The following GRM1 variants were observed in gnomAD, a reference collection of about 807,000 sequenced individuals.
The protein encoded by GRM1 is glutamate metabotropic receptor 1.
In GRM1, 33 loss-of-function variants were observed where a neutral mutation model predicts 90.9. The observed-to-expected ratio is 0.36, with a 90% CI of 0.28 to 0.49. The LOEUF is 0.49. Among genes scored for constraint, GRM1 ranks in the 20% least tolerant of loss-of-function variants. The pLI is 0.99. For synonymous variants in GRM1, 700 were observed against 613.2 expected (o/e 1.14, Z -2.09); for missense variants, 1,190 against 1,534.3 (o/e 0.78, Z 3.75).
At chr6:146,065,964 A>G (rs796337757) in intron 1 of GRM1, among the ~76,000 whole-genome samples, 1 of 152,200 alleles carries the variant, frequency 6.6e-6, no homozygotes, top group Non-Finnish European at 1.5e-5. Context: ...AAGGAAAAAA[A>G]AAAACCTGAT....
intron 7 of GRM1, among the ~76,000 whole-genome samples, chr6:146,415,120 A>G (rs114346626): frequency 0.013 from 1,962 of 152,312 alleles, 48 homozygotes; most frequent in African/African-American, 0.045. Context: ...CAGTTCTGGA[A>G]CATGAAGTCT....
chr6:146,345,680 A>G (rs1305709366), intron 3 of GRM1, among the ~76,000 whole-genome samples: 1 of 152,144 alleles, frequency 6.6e-6, no homozygotes, highest in Non-Finnish European at 1.5e-5. Context: ...CCTATCACCC[A>G]TAAATAAATA....
At chr6:146,204,102 A>G (rs1247348602) in intron 2 of GRM1, among the ~76,000 whole-genome samples, 1 of 152,214 alleles carries the variant, frequency 6.6e-6, no homozygotes, top group Non-Finnish European at 1.5e-5. Context: ...GATACTGTCA[A>G]ACTGATAACA....
Position 146,399,027 on chromosome 6 carries a change from T to C in GRM1, c.1988T>C (p.Leu663Ser). 6.2e-7 allele frequency: 1 copy of C among 1,614,072 alleles called. No individual in the cohort carries two copies. Among genetic ancestry groups the C allele is most frequent in the Non-Finnish European group, 8.5e-7 (1 of 1,179,990 alleles). The change falls in exon 7 of 8, where the codon TTG becomes TCG. Residue 663 changes from leucine (L) to serine (S), a missense_variant. By Grantham distance (145) the Leu-to-Ser change is moderately radical (BLOSUM62 -2). Coordinates refer to ENST00000282753, the MANE Select transcript of GRM1 (RefSeq NM_001278064.2). The surrounding 1 kb of genome is among the most constrained non-coding windows in gnomAD (Gnocchi z 5.4). ...ACCTCCTGCTACCTCCAGCGCCTCT[T>C]GGTTGGCCTCTCCTCTGCGATGTGC... ...TTTSCYLQRL[L>S]VGLSSAMCYS...
intron 2 of GRM1, among the ~76,000 whole-genome samples, chr6:146,241,291 A>T (rs1340182180): frequency 6.6e-6 from 1 of 152,086 alleles, no homozygotes; most frequent in Admixed American, 6.6e-5. Flanking sequence ...AAGATACCGG[A>T]TGCTTTGTTA....
intron 1 of GRM1, among the ~76,000 whole-genome samples, chr6:146,099,246 G>T (rs180794182): frequency 1.3e-5 from 2 of 152,224 alleles, no homozygotes; most frequent in Non-Finnish European, 1.5e-5. Context: ...AATTAGCCAG[G>T]TGTGGTGGTG....
At chr6:146,303,249 A>C (rs1783459195) in intron 2 of GRM1, among the ~76,000 whole-genome samples, 1 of 152,192 alleles carries the variant, frequency 6.6e-6, no homozygotes, top group Non-Finnish European at 1.5e-5. Flanking sequence ...AGAAGCAAGC[A>C]ATAAAATGCT....
At chr6:146,215,951 G>T (rs1047285124) in intron 2 of GRM1, among the ~76,000 whole-genome samples, 1 of 152,028 alleles carries the variant, frequency 6.6e-6, no homozygotes, top group Non-Finnish European at 1.5e-5. Flanking sequence ...TAGGGACGGG[G>T]TTTCACCGTG....
intron 3 of GRM1, among the ~76,000 whole-genome samples, chr6:146,318,356 G>A (rs1784050878): frequency 6.6e-6 from 1 of 152,278 alleles, no homozygotes; most frequent in Non-Finnish European, 1.5e-5. Context: ...TGGCTGCATA[G>A]TATTCAATTA....
rs553369384 is a variant in GRM1, at chr6:146,421,762, G to T, written c.2661-12110G>T. Among the ~76,000 whole-genome samples, 5 of 152,184 alleles carry T rather than the reference G, an allele frequency of 3.3e-5. No homozygotes were observed. In the South Asian group the frequency reaches 1.0e-3, roughly 32 times the overall value. The stretch of plus-strand genomic sequence containing the variant: ...TATTTTACACCTATATGGAAAGACT[G>T]CATTGTGCATATATATAAAGAGTTT... On this transcript the variant is annotated intron_variant, in intron 7 of 7. Transcript: ENST00000282753.
At chr6:146,031,843 G>A (rs1172352526) in intron 1 of GRM1, among the ~76,000 whole-genome samples, 2 of 152,080 alleles carry the variant, frequency 1.3e-5, no homozygotes, top group African/African-American at 4.8e-5. Flanking sequence ...CAAAGATGAT[G>A]GCAAAGAGAA....
chr6:146,359,697 C>T (rs1056973178), intron 5 of GRM1, among the ~76,000 whole-genome samples: 6 of 152,258 alleles, frequency 3.9e-5, no homozygotes, highest in East Asian at 1.9e-4. Context: ...CTTTGTTCTC[C>T]CCAGTTCAGG....
At chr6:146,307,829 G>A (rs997029999) in intron 3 of GRM1, among the ~76,000 whole-genome samples, 7 of 152,138 alleles carry the variant, frequency 4.6e-5, no homozygotes, top group Admixed American at 3.3e-4. Context: ...AAGAGTTTAT[G>A]TGCACTAGAT....
chr6:146,121,041 A>T (rs765553546), intron 1 of GRM1, among the ~76,000 whole-genome samples: 5 of 152,204 alleles, frequency 3.3e-5, no homozygotes, highest in Admixed American at 6.5e-5. Flanking sequence ...CCTCTGGTAG[A>T]ATTCAGCTGT....
intron 7 of GRM1, among the ~76,000 whole-genome samples, chr6:146,406,919 G>A (rs1201716270): frequency 6.6e-6 from 1 of 152,136 alleles, no homozygotes; most frequent in Non-Finnish European, 1.5e-5. Context: ...TCCAGAGTTA[G>A]ACTCAGTTGG....
intron 2 of GRM1, among the ~76,000 whole-genome samples, chr6:146,253,527 A>G (rs761179192): frequency 2.0e-5 from 3 of 152,098 alleles, no homozygotes; most frequent in Non-Finnish European, 4.4e-5. Context: ...GTTCACATTC[A>G]TTTTATATAT....
chr6:146,290,018 A>G (rs1782917134), intron 2 of GRM1, among the ~76,000 whole-genome samples: 1 of 152,242 alleles, frequency 6.6e-6, no homozygotes, highest in Non-Finnish European at 1.5e-5. Context: ...TTAGGCAAAA[A>G]TAATGGATTT....
At position 146,304,823 on chromosome 6, in the gene GRM1, C is replaced by G. The variant is rs749536075; in HGVS notation, c.1163C>G (p.Pro388Arg). Reference sequence around the variant, plus strand: ...CTTCCAGGACACCTTCTGGAAAATCCCAACTTTAAACGAATCTGCACAGGT... The same window carrying G: ...CTTCCAGGACACCTTCTGGAAAATCGCAACTTTAAACGAATCTGCACAGGT... ...CRLPGHLLENPNFKRICTGNE... is the reference protein window; with the variant it reads ...CRLPGHLLENRNFKRICTGNE... Residue 388 changes from proline (P) to arginine (R), a missense_variant, in exon 3 of 8, where the codon CCC (proline) becomes CGC (arginine). This residue lies in a region of GRM1 where 414 missense variants were observed against 598.4 expected (regional missense o/e 0.69). Coordinates refer to ENST00000282753, the MANE Select transcript of GRM1 (RefSeq NM_001278064.2). 2.2e-5 allele frequency: 36 copies of G among 1,612,822 alleles called. No homozygotes were observed. Among genetic ancestry groups the G allele is most frequent in the Non-Finnish European group, 2.8e-5 (33 of 1,179,092 alleles).
chr6:146,352,922 A>G (rs1181815941), intron 4 of GRM1, among the ~76,000 whole-genome samples: 4 of 152,168 alleles, frequency 2.6e-5, no homozygotes, highest in African/African-American at 9.7e-5. Context: ...ACACCTGGTT[A>G]AAGAGCTCAG....
Sources: gnomAD v4.1 joint callset for allele counts (sites outside exome capture counted in the v4.1 genomes callset) on GRCh38, gnomAD v4.1.1 for gene constraint, gnomAD v4.1.1 regional missense constraint, Gnocchi (gnomAD v3.1) non-coding constraint, MANE v1.5 for transcripts, NCBI Gene and HGNC (gene_info 2026-07-23, HGNC 2026-07-21) for gene names.